Variants in C14orf39 observed in about 807,000 individuals in gnomAD.
The protein encoded by C14orf39 is protein SIX6OS1.
A neutral mutation model predicts 85.6 loss-of-function variants in C14orf39; 66 were observed. The observed-to-expected ratio is 0.77, with a 90% CI of 0.63 to 0.95. C14orf39 has a LOEUF of 0.95. C14orf39 is among the 40% of genes least tolerant of loss of function. The probability of loss-of-function intolerance (pLI) is 0.00; values close to 1 mark genes in which losing one functional copy is unlikely to be tolerated. For missense variants in C14orf39, 735 were observed against 663.9 expected (o/e 1.11, Z -1.18); for synonymous variants, 242 against 214.0 (o/e 1.13, Z -1.14).
intron 15 of C14orf39, among the ~76,000 whole-genome samples, chr14:60,455,533 T>G (rs1323883545): frequency 6.6e-6 from 1 of 152,082 alleles, no homozygotes; most frequent in Non-Finnish European, 1.5e-5. Context: ...CTATACTGTC[T>G]TCAAGATTTT....
rs971774654 is a variant in C14orf39 at position 60,447,895 on chromosome 14, G to A, written c.1504-5764C>T. ...AGGCCTCAGAAATAACACCACACAT[G>A]TACAACCATCTGATCTTTGACAAAC... On this transcript the variant is annotated intron_variant, in intron 16 of 17. Coordinates refer to ENST00000321731, the MANE Select transcript of C14orf39 (RefSeq NM_174978.3). 3.0e-4 allele frequency among the ~76,000 whole-genome samples: 45 copies of A among 151,898 alleles called. 1 individual carries two copies. The highest frequency in any genetic ancestry group is 1.8e-3 in the Admixed American group (28 of 15,228).
At chr14:60,471,164 G>T (rs754537950) in intron 7 of C14orf39, among the ~76,000 whole-genome samples, 16 of 151,864 alleles carry the variant, frequency 1.1e-4, no homozygotes, top group African/African-American at 1.4e-4. Flanking sequence ...CATTTTCATT[G>T]GTTTGGTTCC....
chr14:60,446,483 C>T (rs747491582), intron 16 of C14orf39, among the ~76,000 whole-genome samples: 1 of 152,160 alleles, frequency 6.6e-6, no homozygotes, highest in Non-Finnish European at 1.5e-5. Context: ...TATACACCCT[C>T]CAAAGACTAA....
Position 60,453,963 on chromosome 14 carries a change from G to A in C14orf39, c.1503+1038C>T, listed in dbSNP as rs1015945224. On this transcript the variant is annotated intron_variant, in intron 16 of 17. Coordinates refer to ENST00000321731, the MANE Select transcript of C14orf39 (RefSeq NM_174978.3). ...AGTTTTGTAGTTTTCCTTATTCAAA[G>A]TGTACATGTTTCCTATTACATTTAT... Among the ~76,000 whole-genome samples, 9 of 151,848 alleles carry A rather than the reference G, an allele frequency of 5.9e-5. No homozygotes were observed. In the South Asian group the frequency reaches 1.7e-3, roughly 28 times the overall value.
At chr14:60,461,250 T>C (rs941772238) in intron 13 of C14orf39, 104 bp downstream of exon 13, 19 of 925,870 alleles carry the variant, frequency 2.1e-5, no homozygotes, top group Non-Finnish European at 3.2e-5. Context: ...CATGGTCAGT[T>C]AACCAGAGAT....
intron 5 of C14orf39, among the ~76,000 whole-genome samples, chr14:60,475,295 T>C (rs1003253978): frequency 6.6e-6 from 1 of 152,178 alleles, no homozygotes; most frequent in Non-Finnish European, 1.5e-5. Context: ...CTGTCTTTTC[T>C]TCATTAGTCT....
intron 7 of C14orf39, among the ~76,000 whole-genome samples, chr14:60,469,881 T>A (rs930836492): frequency 1.2e-4 from 18 of 148,038 alleles, no homozygotes; most frequent in Middle Eastern, 7.1e-3. Flanking sequence ...AAACATTTCA[T>A]ACAAAATATT....
intron 16 of C14orf39, among the ~76,000 whole-genome samples, chr14:60,443,123 T>C (rs1890601522): frequency 6.6e-6 from 1 of 152,068 alleles, no homozygotes; most frequent in South Asian, 2.1e-4. Flanking sequence ...AGACAGGTGA[T>C]CTCTGCATTT....
chr14:60,445,386 T>C (rs951631658), intron 16 of C14orf39, among the ~76,000 whole-genome samples: 2 of 151,594 alleles, frequency 1.3e-5, no homozygotes, highest in Non-Finnish European at 2.9e-5. Context: ...CCAAGCAAAC[T>C]GAAAGGAAAA....
intron 13 of C14orf39, among the ~76,000 whole-genome samples, chr14:60,460,333 C>T (rs1483953545): frequency 2.0e-5 from 3 of 151,640 alleles, no homozygotes; most frequent in Non-Finnish European, 3.0e-5. Context: ...ACAAGTAAAA[C>T]AGATCACCTG....
chr14:60,494,656 A>G (rs550914314), intron 2 of C14orf39: 1 of 152,112 alleles, frequency 6.6e-6, no homozygotes, highest in South Asian at 2.1e-4. Flanking sequence ...CTGCTTGGTT[A>G]TTGGCTGGGT....
At chr14:60,458,401 C>T (rs563305503) in intron 14 of C14orf39, among the ~76,000 whole-genome samples, 2 of 151,998 alleles carry the variant, frequency 1.3e-5, no homozygotes, top group Admixed American at 1.3e-4. Context: ...GTTTATTTTG[C>T]TTAACATAAT....
chr14:60,507,501 A>G (rs1893220564), intron 1 of C14orf39, among the ~76,000 whole-genome samples: 1 of 152,236 alleles, frequency 6.6e-6, no homozygotes, highest in Non-Finnish European at 1.5e-5. Flanking sequence ...GAACTCTTAG[A>G]AAAGAAAGCC....
At chr14:60,486,215 C>T (rs1007578086), upstream of C14orf39, 1 of 152,204 alleles carries the variant, frequency 6.6e-6, no homozygotes, top group African/African-American at 2.4e-5. Context: ...GGTGGAAGCG[C>T]GGAATAAGCC....
upstream of C14orf39, among the ~76,000 whole-genome samples, chr14:60,486,723 A>G (rs1403982482): frequency 6.6e-6 from 1 of 152,226 alleles, no homozygotes; most frequent in Non-Finnish European, 1.5e-5. Flanking sequence ...AATGATCACA[A>G]TAATTGTCTC....
chr14:60,465,012 C>T (rs1265351796), intron 11 of C14orf39, among the ~76,000 whole-genome samples: 1 of 151,872 alleles, frequency 6.6e-6, no homozygotes, highest in African/African-American at 2.4e-5. Flanking sequence ...TGGTGGTTAC[C>T]CTTAAATGTT....
At position 60,511,714 on chromosome 14, in the gene C14orf39, A is replaced by G. The variant is rs578089642; in HGVS notation, c.-144+3681T>C. On this transcript the variant is annotated intron_variant, in intron 1 of 5. Transcript: ENST00000556799. ...GGTAGGTTTCTCTGTAGCTTGGGGAACTTGCTGTTTCTAAACATGCAGGCT... is the reference window on the plus strand; with the variant it reads ...GGTAGGTTTCTCTGTAGCTTGGGGAGCTTGCTGTTTCTAAACATGCAGGCT... 2.7e-4 allele frequency: 63 copies of G among 236,182 alleles called. No individual in the cohort carries two copies. The South Asian group carries it at 3.4e-3, about 13-fold the overall frequency. The allele number at this position is 236,182 out of a possible 1,614,324, so 14.6% of individuals were successfully genotyped here. A position where few individuals can be genotyped will look rare whatever the true frequency, so the allele number is the denominator to read the frequency against.
At position 60,455,136 on chromosome 14, in the gene C14orf39, A is replaced by C; in HGVS notation, c.1368T>G (p.Asn456Lys). 6.4e-7 allele frequency: 1 copy of C among 1,555,796 alleles called. No homozygotes were observed. The highest frequency in any genetic ancestry group is 8.6e-7 in the Non-Finnish European group (1 of 1,157,920). Residue 456 changes from asparagine (N) to lysine (K), a missense_variant, in exon 16 of 18, where the codon AAT becomes AAG. Asn to Lys is a moderately conservative substitution (Grantham distance 94, BLOSUM62 0). Transcript: ENST00000321731. ...PKTPPFEINR[N>K]RNAVPEVQTE... ...TTTGAACTTCAGGTACTGCATTTCTATTTCTGTTACTGAGAAATAAGAAAT... is the reference window on the plus strand; with the variant it reads ...TTTGAACTTCAGGTACTGCATTTCTCTTTCTGTTACTGAGAAATAAGAAAT...
intron 16 of C14orf39, among the ~76,000 whole-genome samples, chr14:60,446,640 T>G (rs545582534): frequency 6.6e-6 from 1 of 152,272 alleles, no homozygotes; most frequent in African/African-American, 2.4e-5. Context: ...GCTGACACCA[T>G]TCCTTCTGAA....
Sources: gnomAD v4.1 joint callset for allele counts (sites outside exome capture counted in the v4.1 genomes callset) on GRCh38, gnomAD v4.1.1 for gene constraint, MANE v1.5 for transcripts, NCBI Gene and HGNC (gene_info 2026-07-23, HGNC 2026-07-21) for gene names.